The following SETD1A variants were observed in gnomAD, a reference collection of about 807,000 sequenced individuals.
SETD1A encodes histone-lysine N-methyltransferase SETD1A.
Under a neutral mutation model 149.9 loss-of-function variants are expected in SETD1A, and 29 were observed. The observed-to-expected ratio is 0.19, with a 90% CI of 0.14 to 0.26. The LOEUF (loss-of-function observed/expected upper bound fraction) is 0.26. Among genes scored for constraint, SETD1A ranks in the 10% least tolerant of loss-of-function variants. The pLI is 1.00. For synonymous variants in SETD1A, 1,141 were observed against 968.5 expected (o/e 1.18, Z -3.31); for missense variants, 2,109 against 2,353.1 (o/e 0.90, Z 2.15).
intron 16 of SETD1A, 48 bp from the exon 17 acceptor site, chr16:30,981,013 T>G (rs1322217464): frequency 6.2e-7 from 1 of 1,611,100 alleles, no homozygotes; most frequent in Non-Finnish European, 8.5e-7. Context: ...AGTGAGGGTC[T>G]GGGGTGTGGG....
At chr16:30,976,032 G>A (rs1445549081) in intron 13 of SETD1A, among the ~76,000 whole-genome samples, 1 of 139,534 alleles carries the variant, frequency 7.2e-6, no homozygotes, top group African/African-American at 2.7e-5. Flanking sequence ...AGATGGGGGT[G>A]TTGTGCCTGA....
intron 13 of SETD1A, among the ~76,000 whole-genome samples, chr16:30,976,599 G>A (rs1758461385): frequency 6.6e-6 from 1 of 152,136 alleles, no homozygotes; most frequent in Non-Finnish European, 1.5e-5. Flanking sequence ...GGAAACTGAA[G>A]GATGGGAAGT....
Position 30,958,755 on chromosome 16 carries a change from T to C in SETD1A, c.24T>C (p.Asp8=), listed in dbSNP as rs1227101101. 3.1e-6 allele frequency: 5 copies of C among 1,614,134 alleles called. No individual in the cohort carries two copies. The highest frequency in any genetic ancestry group is 1.1e-5 in the South Asian group (1 of 91,078). MDQEGGG[D]GQKAPSFQWR... is the part of the protein sequence containing the mutation. ...AGATGGATCAGGAAGGTGGGGGAGA[T>C]GGGCAGAAGGCCCCGAGCTTCCAGT... is the stretch of plus-strand genomic sequence containing the variant. Residue 8 remains aspartate (D), a synonymous_variant, in exon 2 of 19, where the codon GAT becomes GAC. Coordinates refer to ENST00000262519, the MANE Select transcript of SETD1A (RefSeq NM_014712.3).
At chr16:30,963,698 A>T (rs1179411288) in intron 5 of SETD1A, 144 bp downstream of exon 5, 22 of 939,786 alleles carry the variant, frequency 2.3e-5, no homozygotes, top group Non-Finnish European at 3.1e-5. Context: ...CTTTCAAAAG[A>T]CAGGGAACTA....
At chr16:30,968,500 A>G (rs188103396) in intron 10 of SETD1A, among the ~76,000 whole-genome samples, 1,557 of 151,210 alleles carry the variant, frequency 0.01, 16 homozygotes, top group Middle Eastern at 0.02. Context: ...ACACACACAT[A>G]TGCGTATCTG....
In SETD1A at chr16:30,983,921, T is replaced by C; in HGVS notation, c.5022T>C (p.Ile1674=). 1.2e-6 allele frequency: 2 copies of C among 1,613,868 alleles called. No individual in the cohort carries two copies. The highest frequency in any genetic ancestry group is 1.7e-6 in the Non-Finnish European group (2 of 1,179,882). Residue 1674 remains isoleucine (I), a synonymous_variant, in exon 19 of 19, where the codon ATT becomes ATC. Coordinates refer to ENST00000262519, the MANE Select transcript of SETD1A (RefSeq NM_014712.3). This position sits in a 1 kb window ranked among gnomAD's most constrained non-coding sequence, Gnocchi z 6.8. ...TCGTGATCTACTCCAAGCAGCCCATTGGCGTGGACGAGGAGATCACCTACG... is the reference window on the plus strand; with the variant it reads ...TCGTGATCTACTCCAAGCAGCCCATCGGCGTGGACGAGGAGATCACCTACG... ...KKIVIYSKQP[I]GVDEEITYDY...
chr16:30,963,667 C>T, intron 5 of SETD1A, 113 bp downstream of exon 5: 1 of 1,160,890 alleles, frequency 8.6e-7, no homozygotes, highest in Non-Finnish European at 1.2e-6. Flanking sequence ...CAAAGAAGAG[C>T]CAAGCAAAGC....
At position 30,979,556 on chromosome 16, in the gene SETD1A, C is replaced by T; in HGVS notation, c.3770C>T (p.Ala1257Val). Reference sequence around the variant, plus strand: ...ACAGAGGTGGACCTGGCGGTCCTGGCCGACCTGGCCCTGACCCCTGCCCGG... The same window carrying T: ...ACAGAGGTGGACCTGGCGGTCCTGGTCGACCTGGCCCTGACCCCTGCCCGG... ...PGTEVDLAVLADLALTPARRG... is the reference protein window; with the variant it reads ...PGTEVDLAVLVDLALTPARRG... The change falls in exon 14 of 19, where the codon GCC (alanine) becomes GTC (valine). Residue 1257 changes from alanine (A) to valine (V), a missense_variant. Physicochemically the swap from Ala to Val is moderately conservative, Grantham distance 64. Coordinates refer to ENST00000262519, the MANE Select transcript of SETD1A (RefSeq NM_014712.3). 2 of 1,608,934 alleles carry T rather than the reference C, an allele frequency of 1.2e-6. No individual in the cohort carries two copies.
chr16:30,973,683 A>G (rs972376051), intron 13 of SETD1A, among the ~76,000 whole-genome samples: 3 of 152,144 alleles, frequency 2.0e-5, no homozygotes, highest in East Asian at 1.9e-4. Flanking sequence ...GAAGATGTGC[A>G]TGGCCTCCCG....
Position 30,964,846 on chromosome 16 carries a change from G to A in SETD1A, c.1104G>A (p.Ala368=), listed in dbSNP as rs757732709. Residue 368 remains alanine, a synonymous_variant, in exon 7 of 19, where the codon GCG becomes GCA. Transcript: ENST00000262519. ...GTAGTTCTGATGCAAACTACCCAGC[G>A]TATTATGAAAGCTGGAATCGCTACC... ...QFRSSDANYP[A]YYESWNRYQR... The A allele has an allele frequency of 1.1e-5, 18 of 1,614,014 alleles. No homozygotes were observed. The highest frequency in any genetic ancestry group is 6.7e-5 in the African/African-American group (5 of 74,894).
intron 8 of SETD1A, 57 bp downstream of exon 8, chr16:30,966,443 C>T: frequency 1.3e-6 from 2 of 1,536,986 alleles, no homozygotes; most frequent in Non-Finnish European, 1.8e-6. Flanking sequence ...AAATGGGCCT[C>T]TGGCTCCTCC....
At position 30,979,992 on chromosome 16, in the gene SETD1A, C is replaced by CCCAA; in HGVS notation, c.4208_4209insAACC (p.Pro1404ThrfsTer18). ...TCCGCTCCCACGCCCGGCGCCGCCG[C>CCCAA]CCTCCGCCCCCACCCCCGCCGCCAC... On this transcript the variant is annotated frameshift_variant, in exon 14 of 19. Transcript: ENST00000262519. LOFTEE classifies it high-confidence loss of function. 1.4e-6 allele frequency: 2 copies of CCCAA among 1,477,498 alleles called. No homozygotes were observed. Among genetic ancestry groups the CCCAA allele is most frequent in the Non-Finnish European group, 8.9e-7 (1 of 1,120,132 alleles). 91.5% of individuals were successfully genotyped at this position (1,477,498 alleles called of 1,614,324 possible).
rs556374429 is a variant in SETD1A at position 30,958,548 on chromosome 16, G to A, written c.-15-169G>A. ...AGGTGGAAAGAGGCTGGGTTGTTGT[G>A]GCGAAACAGAGGGTACTTGGGGGAG... On this transcript the variant is annotated intron_variant, in intron 1 of 18. Coordinates refer to ENST00000262519, the MANE Select transcript of SETD1A (RefSeq NM_014712.3). Among the ~76,000 whole-genome samples, 9 of 152,276 alleles carry A rather than the reference G, an allele frequency of 5.9e-5. No individual in the cohort carries two copies. The East Asian group carries it at 1.7e-3, about 29-fold the overall frequency.
chr16:30,965,978 G>C lies in SETD1A; in HGVS notation c.2097G>C (p.Leu699Phe), dbSNP rs1481626458. 6.3e-7 allele frequency: 1 copy of C among 1,589,322 alleles called. No individual in the cohort carries two copies. Among genetic ancestry groups the C allele is most frequent in the Non-Finnish European group, 8.6e-7 (1 of 1,167,048 alleles). ...ATCAGCTGCGGCAGGGCAAGGGATT[G>C]ATTGCCGCCTCAGCTGGCCCCCCCG... ...RLHQLRQGKG[L>F]IAASAGPPGG... The change falls in exon 8 of 19, where the codon TTG becomes TTC. Residue 699 changes from leucine to phenylalanine, a missense_variant. Coordinates refer to ENST00000262519, the MANE Select transcript of SETD1A (RefSeq NM_014712.3).
chr16:30,982,647 TCAGGAGAGGGTCCTTCCG>T (rs68151881), intron 17 of SETD1A, among the ~76,000 whole-genome samples: 50,862 of 150,796 alleles, frequency 0.34, 10,800 homozygotes, highest in East Asian at 0.9. Flanking sequence ...GGAGCTTTCT[TCAGGAGAGGGTCCTTCCG>T]CAGGAGAGGG....
In SETD1A at chr16:30,965,963, G is replaced by T. The variant is rs2056137818; in HGVS notation, c.2082G>T (p.Arg694=). Residue 694 remains arginine (R), a synonymous_variant, in exon 8 of 19, where the codon CGG becomes CGT. Transcript: ENST00000262519. ...TQMLTRLHQL[R]QGKGLIAASA... Reference sequence around the variant, plus strand: ...TGTTAACTCGGCTCCATCAGCTGCGGCAGGGCAAGGGATTGATTGCCGCCT... The same window carrying T: ...TGTTAACTCGGCTCCATCAGCTGCGTCAGGGCAAGGGATTGATTGCCGCCT... 2 of 1,602,002 alleles carry T rather than the reference G, an allele frequency of 1.2e-6. No homozygotes were observed. Among genetic ancestry groups the T allele is most frequent in the Non-Finnish European group, 1.7e-6 (2 of 1,173,758 alleles).
At chr16:30,963,673 A>G in intron 5 of SETD1A, 119 bp downstream of exon 5, 1 of 1,119,860 alleles carries the variant, frequency 8.9e-7, no homozygotes, top group South Asian at 1.6e-5. Context: ...AGAGCCAAGC[A>G]AAGCTGCTGA....
At position 30,961,675 on chromosome 16, in the gene SETD1A, G is replaced by T; in HGVS notation, c.517+138G>T. 1 of 775,816 alleles carries T rather than the reference G, an allele frequency of 1.3e-6. No individual in the cohort carries two copies. 48.1% of individuals were successfully genotyped at this position (775,816 alleles called of 1,614,324 possible). A position where few individuals can be genotyped will look rare whatever the true frequency, so the allele number is the denominator to read the frequency against. ...CAGTTGTGTTTCTGAAATCAGATCA[G>T]ATTTTAGAGTGGAATTATGGTACAT... On this transcript the variant is annotated intron_variant, in intron 4 of 18. Coordinates refer to ENST00000262519, the MANE Select transcript of SETD1A (RefSeq NM_014712.3). This position sits in a 1 kb window ranked among gnomAD's most constrained non-coding sequence, Gnocchi z 4.0.
intron 4 of SETD1A, among the ~76,000 whole-genome samples, chr16:30,962,252 A>T (rs1310438697): frequency 3.9e-5 from 6 of 152,058 alleles, no homozygotes; most frequent in Admixed American, 3.9e-4. Context: ...TTTAGTAGAG[A>T]TAGGGTTTCA....
Sources: allele counts gnomAD v4.1 joint callset (sites outside exome capture counted in the v4.1 genomes callset), GRCh38; gene constraint gnomAD v4.1.1; non-coding constraint Gnocchi (gnomAD v3.1); transcripts MANE v1.5; gene names NCBI Gene and HGNC (gene_info 2026-07-23, HGNC 2026-07-21).